SLC19A1: variants seen among roughly 807,000 people sequenced by gnomAD.
The protein encoded by SLC19A1 is reduced folate transporter.
Under a neutral mutation model 35.3 loss-of-function variants are expected in SLC19A1, and 37 were observed. The observed-to-expected ratio is 1.05, with a 90% CI of 0.81 to 1.38. The LOEUF (loss-of-function observed/expected upper bound fraction) is 1.38, where lower values mean the gene tolerates loss of function less well. SLC19A1 is among the 40% of genes most tolerant of loss of function. The probability of loss-of-function intolerance (pLI) is 0.00; values close to 1 mark genes in which losing one functional copy is unlikely to be tolerated. For missense variants in SLC19A1, 831 were observed against 826.9 expected, an observed-to-expected ratio of 1.00 and a Z score of -0.06; for synonymous variants, 460 against 398.5, an observed-to-expected ratio of 1.15 and a Z score of -1.84.
In SLC19A1 at chr21:45,529,881, G is replaced by C. The variant is rs374207167; in HGVS notation, c.1151+889C>G. Among the ~76,000 whole-genome samples, 386 of 151,464 alleles carry C rather than the reference G, an allele frequency of 2.5e-3. 3 individuals are homozygous for C. Among genetic ancestry groups the C allele is most frequent in the African/African-American group, 9.0e-3 (371 of 41,244 alleles). On this transcript the variant is annotated intron_variant, in intron 4 of 5. Coordinates refer to ENST00000311124, the MANE Select transcript of SLC19A1 (RefSeq NM_194255.4). ...GTAAGCATATGGTGCATTCATGTGA[G>C]TGTGGTGGGTGTCTGTGAACATGTG...
At chr21:45,541,010 G>A (rs966473725) in intron 1 of SLC19A1, among the ~76,000 whole-genome samples, 4 of 138,490 alleles carry the variant, frequency 2.9e-5, no homozygotes, top group Admixed American at 7.4e-5. Context: ...TTTTTAGAAC[G>A]CCTGCTAGTT....
chr21:45,558,912 G>A (rs1277663270), intron 1 of SLC19A1, among the ~76,000 whole-genome samples: 1 of 151,280 alleles, frequency 6.6e-6, no homozygotes, highest in African/African-American at 2.4e-5. Context: ...AGGTTCAAGC[G>A]ATTCTCCTGC....
chr21:45,511,663 T>C (rs1176637938), downstream of SLC19A1, among the ~76,000 whole-genome samples: 9 of 152,126 alleles, frequency 5.9e-5, no homozygotes, highest in African/African-American at 2.2e-4. Context: ...AATGTCGCTG[T>C]GCCCTCCCCA....
chr21:45,505,770 TCCTTCCTTCCGCC>T, intron 3 of SLC19A1: 1 of 1,239,510 alleles, frequency 8.1e-7, no homozygotes, highest in Non-Finnish European at 1.1e-6. Flanking sequence ...AAACGGGCAT[TCCTTCCTTCCGCC>T]CCTGCCCCCC....
Position 45,504,700 on chromosome 21 carries a change from G to A in SLC19A1, c.498-6088C>T, listed in dbSNP as rs535023143. 2.6e-3 allele frequency: 1,846 copies of A among 723,884 alleles called. 33 individuals carry two copies. In the South Asian group the frequency reaches 0.029, roughly 11 times the overall value. 44.8% of individuals were successfully genotyped at this position (723,884 alleles called of 1,614,324 possible). A position where few individuals can be genotyped will look rare whatever the true frequency, so the allele number is the denominator to read the frequency against. On this transcript the variant is annotated intron_variant, in intron 3 of 4. Transcript: ENST00000417954. ...GCAGCCCCGACATGTCCCTGTCCCC[G>A]TGTGGGGACGCAGCAGGCCACATGG...
In SLC19A1 at chr21:45,533,406, G is replaced by A. The variant is rs1374179498; in HGVS notation, c.190-1258C>T. ...TCTTGGCAGGGGCCAGGGCTGCTGT[G>A]GGCACACCTGGGCACACCTGGGCAC... On this transcript the variant is annotated intron_variant, in intron 2 of 5. Coordinates refer to ENST00000311124, the MANE Select transcript of SLC19A1 (RefSeq NM_194255.4). This position sits in a 1 kb window ranked among gnomAD's most constrained non-coding sequence, Gnocchi z 4.5. 1.4e-5 allele frequency among the ~76,000 whole-genome samples: 2 copies of A among 148,028 alleles called. No homozygotes were observed. Among genetic ancestry groups the A allele is most frequent in the Non-Finnish European group, 2.9e-5 (2 of 67,804 alleles).
chr21:45,530,867 G>C lies in SLC19A1; in HGVS notation c.1054C>G (p.Leu352Val). The C allele has an allele frequency of 8.0e-6, 12 of 1,492,824 alleles. No homozygotes were observed. The highest frequency in any genetic ancestry group is 9.8e-6 in the Non-Finnish European group (11 of 1,121,478). 92.5% of individuals were successfully genotyped at this position (1,492,824 alleles called of 1,614,324 possible). The change falls in exon 4 of 6, where the codon CTT becomes GTT. Residue 352 changes from leucine (L) to valine (V), a missense_variant. Coordinates refer to ENST00000311124, the MANE Select transcript of SLC19A1 (RefSeq NM_194255.4). The surrounding 1 kb of genome is among the most constrained non-coding windows in gnomAD (Gnocchi z 5.3). ...VTATQAGLVF[L>V]LAHTRHPSSI... is the part of the protein sequence containing the mutation. The stretch of plus-strand genomic sequence containing the variant: ...CTCGGGTGGCGCGTGTGCGCCAGAA[G>C]GAAGACCAGCCCCGCCTGCGTGGCC...
chr21:45,519,820 A>C (rs1044768630), intron 5 of SLC19A1, among the ~76,000 whole-genome samples: 3 of 152,218 alleles, frequency 2.0e-5, no homozygotes. Context: ...AACTAGACAG[A>C]AAATCCACAA....
rs938448010 is a variant in SLC19A1, at chr21:45,534,314, C to T, written c.190-2166G>A. The stretch of plus-strand genomic sequence containing the variant: ...CAGCCCAGGGAACCCCTGCAGATTC[C>T]GAAAGAAGCGGCTCAGAGGCAGGGG... On this transcript the variant is annotated intron_variant, in intron 2 of 5. Transcript: ENST00000311124. This position sits in a 1 kb window ranked among gnomAD's most constrained non-coding sequence, Gnocchi z 4.2. Among the ~76,000 whole-genome samples, 7 of 152,088 alleles carry T rather than the reference C, an allele frequency of 4.6e-5. No homozygotes were observed. The highest frequency in any genetic ancestry group is 1.0e-4 in the Non-Finnish European group (7 of 67,994).
chr21:45,515,577 T>G lies in SLC19A1; in HGVS notation c.*81A>C, dbSNP rs1291896261. 1.9e-6 allele frequency: 3 copies of G among 1,585,780 alleles called. No individual in the cohort carries two copies. The highest frequency in any genetic ancestry group is 2.7e-5 in the African/African-American group (2 of 73,550). On this transcript the variant is annotated 3_prime_UTR_variant, in exon 6 of 6. Coordinates refer to ENST00000311124, the MANE Select transcript of SLC19A1 (RefSeq NM_194255.4). ...CAGGATAAGCGGAGGCCCCCATTGCTAAGGCAGGCGGCCCTCGAGGCAGGG... is the reference window on the plus strand; with the variant it reads ...CAGGATAAGCGGAGGCCCCCATTGCGAAGGCAGGCGGCCCTCGAGGCAGGG...
chr21:45,508,719 T>G (rs1040047039), downstream of SLC19A1, among the ~76,000 whole-genome samples: 1 of 152,192 alleles, frequency 6.6e-6, no homozygotes, highest in Admixed American at 6.5e-5. Flanking sequence ...ACTCATTTGC[T>G]GATTCATTCT....
rs760329911 is a variant in SLC19A1 at position 45,505,904 on chromosome 21, A to G, written c.498-7292T>C. 46 of 1,612,842 alleles carry G rather than the reference A, an allele frequency of 2.9e-5. No homozygotes were observed. The highest frequency in any genetic ancestry group is 3.7e-5 in the Non-Finnish European group (44 of 1,179,968). On this transcript the variant is annotated intron_variant, in intron 3 of 4. Transcript: ENST00000417954. ...GCACGAGGTTCCCGAGGGCTGGCTC[A>G]TCTTCGTGGCCGAGCAGGAGGAGCT...
In SLC19A1 at chr21:45,530,557, G is replaced by T. The variant is rs1339272330; in HGVS notation, c.1151+213C>A. Among the ~76,000 whole-genome samples, 1 of 152,170 alleles carries T rather than the reference G, an allele frequency of 6.6e-6. No individual in the cohort carries two copies. The highest frequency in any genetic ancestry group is 1.9e-4 in the East Asian group (1 of 5,198). On this transcript the variant is annotated intron_variant, in intron 4 of 5. Transcript: ENST00000311124. The surrounding 1 kb of genome is among the most constrained non-coding windows in gnomAD (Gnocchi z 5.3). ...CCCAGCAGGCTTCAGAGAGGAGCGTGGAGGGCCTGGGGGAGCAGCAAGACG... is the reference window on the plus strand; with the variant it reads ...CCCAGCAGGCTTCAGAGAGGAGCGTTGAGGGCCTGGGGGAGCAGCAAGACG...
intron 5 of SLC19A1, among the ~76,000 whole-genome samples, chr21:45,519,817 CAG>C (rs1444288307): frequency 6.6e-6 from 1 of 152,142 alleles, no homozygotes; most frequent in African/African-American, 2.4e-5. Context: ...TAAAACTAGA[CAG>C]AAAATCCACA....
At chr21:45,505,181 T>G in intron 3 of SLC19A1, 1 of 1,606,524 alleles carries the variant, frequency 6.2e-7, no homozygotes, top group Non-Finnish European at 8.5e-7. Context: ...CACCTGGACC[T>G]CAGGGACCCC....
intron 2 of SLC19A1, among the ~76,000 whole-genome samples, chr21:45,537,299 C>T (rs1374076557): frequency 6.6e-6 from 1 of 152,160 alleles, no homozygotes; most frequent in Non-Finnish European, 1.5e-5. Context: ...AGCCGGGTTC[C>T]CTCCAGGACC....
At chr21:45,504,014 A>C in intron 3 of SLC19A1, 5 of 1,613,596 alleles carry the variant, frequency 3.1e-6, no homozygotes, top group South Asian at 1.1e-5. Flanking sequence ...CTTGCAGGGC[A>C]GTTTCCGTTT....
At chr21:45,556,134 G>A (rs1053414882) in intron 1 of SLC19A1, among the ~76,000 whole-genome samples, 1 of 152,214 alleles carries the variant, frequency 6.6e-6, no homozygotes, top group Non-Finnish European at 1.5e-5. Flanking sequence ...GTCCCCTCCT[G>A]GCCACAAGGA....
intron 1 of SLC19A1, among the ~76,000 whole-genome samples, chr21:45,553,682 T>TC (rs2078493787): frequency 1.9e-4 from 1 of 5,214 alleles, no homozygotes; most frequent in South Asian, 0.01. Context: ...CCACACCCCA[T>TC]CCCAGTCCCC....
Sources: gnomAD v4.1 joint callset for allele counts (sites outside exome capture counted in the v4.1 genomes callset) on GRCh38, gnomAD v4.1.1 for gene constraint, Gnocchi (gnomAD v3.1) non-coding constraint, MANE v1.5 for transcripts, NCBI Gene and HGNC (gene_info 2026-07-23, HGNC 2026-07-21) for gene names.